The following EVI5 variants were observed in gnomAD, a reference collection of about 807,000 sequenced individuals.
EVI5 encodes the protein ecotropic viral integration site 5 protein homolog.
A neutral mutation model predicts 112.0 loss-of-function variants in EVI5; 73 were observed. The observed-to-expected ratio is 0.65, with a 90% CI of 0.54 to 0.79. EVI5 has a LOEUF of 0.79. EVI5 is among the 30% of genes least tolerant of loss of function. The pLI is 0.00. For missense variants in EVI5, 900 were observed against 968.8 expected (o/e 0.93, Z 0.94); for synonymous variants, 305 against 319.9 (o/e 0.95, Z 0.50).
intron 16 of EVI5, among the ~76,000 whole-genome samples, chr1:92,609,245 C>T (rs1368627661): frequency 2.6e-5 from 4 of 152,188 alleles, no homozygotes; most frequent in Non-Finnish European, 5.9e-5. Flanking sequence ...TTTAATCCTA[C>T]CAAATTTCAG....
intron 16 of EVI5, among the ~76,000 whole-genome samples, chr1:92,615,117 T>C (rs1174411015): frequency 6.6e-6 from 1 of 152,056 alleles, no homozygotes; most frequent in African/African-American, 2.4e-5. Flanking sequence ...ATGAACTGTT[T>C]GTAGAGAGTT....
At chr1:92,702,357 C>G in intron 4 of EVI5, 142 bp from the exon 5 acceptor site, 1 of 455,646 alleles carries the variant, frequency 2.2e-6, no homozygotes, top group Non-Finnish European at 4.0e-6. Context: ...AGATGTTATC[C>G]TATACATATT....
intron 1 of EVI5, among the ~76,000 whole-genome samples, chr1:92,770,607 A>G (rs61800547): frequency 0.97 from 147,416 of 151,704 alleles, 71,620 homozygotes; most frequent in Middle Eastern, 1. Context: ...TGGCTAACAC[A>G]GTGAAACCCT....
At chr1:92,744,600 TCACACACACACACA>T (rs961223051) in intron 1 of EVI5, among the ~76,000 whole-genome samples, 3 of 28,024 alleles carry the variant, frequency 1.1e-4, no homozygotes, top group African/African-American at 2.0e-4. Context: ...TCTCTCTCTC[TCACACACACACACA>T]CACACACACA....
intron 19 of EVI5, among the ~76,000 whole-genome samples, chr1:92,522,402 C>T (rs538691668): frequency 6.6e-6 from 1 of 152,132 alleles, no homozygotes; most frequent in South Asian, 2.1e-4. Flanking sequence ...CTTTGGGAGG[C>T]CAAGGCAGAA....
At chr1:92,778,616 A>C (rs1224233368) in intron 1 of EVI5, among the ~76,000 whole-genome samples, 1 of 152,176 alleles carries the variant, frequency 6.6e-6, no homozygotes, top group Non-Finnish European at 1.5e-5. Context: ...ACTGGGACAA[A>C]AGGAAAGATA....
At chr1:92,692,867 GA>G (rs1293659689) in intron 9 of EVI5, among the ~76,000 whole-genome samples, 1 of 152,138 alleles carries the variant, frequency 6.6e-6, no homozygotes, top group Non-Finnish European at 1.5e-5. Flanking sequence ...TTATACCATA[GA>G]AAGTACAGTA....
chr1:92,729,755 G>A (rs1676154563), intron 2 of EVI5, among the ~76,000 whole-genome samples: 1 of 152,054 alleles, frequency 6.6e-6, no homozygotes, highest in Admixed American at 6.6e-5. Flanking sequence ...TATTTTTATT[G>A]TTGTATGTTA....
intron 16 of EVI5, chr1:92,622,289 G>T: frequency 2.3e-6 from 1 of 443,416 alleles, no homozygotes. Context: ...CTTTGTACTT[G>T]GTTTTACGCA....
intron 3 of EVI5, 135 bp from the exon 4 acceptor site, chr1:92,703,754 A>G: frequency 1.6e-6 from 1 of 612,866 alleles, no homozygotes; most frequent in Non-Finnish European, 2.8e-6. Flanking sequence ...GCTTTATAAT[A>G]AGACTAGGGA....
rs1353642873 is a variant in EVI5 at position 92,671,314 on chromosome 1, C to A, written c.1159-5322G>T. Among the ~76,000 whole-genome samples the A allele has an allele frequency of 2.0e-5, 3 of 152,120 alleles. 1 individual carries two copies. Among genetic ancestry groups the A allele is most frequent in the Admixed American group, 6.5e-5 (1 of 15,272 alleles). On this transcript the variant is annotated intron_variant, in intron 10 of 19. Transcript: ENST00000684568. ...TTCTCTCTTTCTCACTGTCTCTTGG[C>A]TTCTGGGAACTACACCTACCTGGTT...
chr1:92,716,770 A>T (rs188718961), intron 2 of EVI5, among the ~76,000 whole-genome samples: 199 of 151,748 alleles, frequency 1.3e-3, no homozygotes, highest in Admixed American at 2.4e-3. Context: ...TGTAGAGAAG[A>T]CCTTAAATGA....
chr1:92,733,037 ACCT>A (rs887461642), intron 2 of EVI5: 3 of 166,266 alleles, frequency 1.8e-5, no homozygotes, highest in Admixed American at 5.8e-5. Flanking sequence ...ATACAGTGAG[ACCT>A]CGTCTCCATT....
chr1:92,667,360 A>C (rs913374966), intron 10 of EVI5, among the ~76,000 whole-genome samples: 3 of 152,202 alleles, frequency 2.0e-5, no homozygotes, highest in Admixed American at 2.0e-4. Flanking sequence ...ACAAGTTGCA[A>C]AATTCTGAAA....
intron 9 of EVI5, among the ~76,000 whole-genome samples, chr1:92,679,544 A>C (rs1277007059): frequency 6.6e-6 from 1 of 152,198 alleles, no homozygotes; most frequent in Non-Finnish European, 1.5e-5. Flanking sequence ...TTTAAAAAAA[A>C]ATATTTGGTT....
intron 1 of EVI5, among the ~76,000 whole-genome samples, chr1:92,760,453 G>A (rs1168229802): frequency 2.0e-5 from 3 of 152,216 alleles, no homozygotes; most frequent in East Asian, 3.9e-4. Context: ...TAAAAGAAGC[G>A]GGGCACAGTG....
chr1:92,635,572 T>G (rs1335021231), intron 14 of EVI5, among the ~76,000 whole-genome samples: 1 of 152,082 alleles, frequency 6.6e-6, no homozygotes, highest in South Asian at 2.1e-4. Flanking sequence ...CCAGGTGCCG[T>G]CCATCACCCC....
chr1:92,769,021 CA>C (rs1683032998), intron 1 of EVI5, among the ~76,000 whole-genome samples: 1 of 152,188 alleles, frequency 6.6e-6, no homozygotes, highest in African/African-American at 2.4e-5. Context: ...CCCACTTTTT[CA>C]TTGCAAATTC....
In EVI5 at chr1:92,606,924, C is replaced by CACACACACACACA. The variant is rs1557886813; in HGVS notation, c.1974+656_1974+657insTGTGTGTGTGTGT. On this transcript the variant is annotated intron_variant, in intron 17 of 19. Coordinates refer to ENST00000684568, the MANE Select transcript of EVI5 (RefSeq NM_001350197.2). The stretch of plus-strand genomic sequence containing the variant: ...CACACACACACACACACACACACAC[C>CACACACACACACA]CCCCCAAACCCTCCCTCCTCTCCTT... 2.0e-4 allele frequency among the ~76,000 whole-genome samples: 18 copies of CACACACACACACA among 91,496 alleles called. 1 individual carries two copies. Among genetic ancestry groups the CACACACACACACA allele is most frequent in the African/African-American group, 5.7e-4 (16 of 28,050 alleles). 60.0% of individuals were successfully genotyped at this position (91,496 alleles called of 152,430 possible). A position where few individuals can be genotyped will look rare whatever the true frequency, so the allele number is the denominator to read the frequency against.
Sources: gnomAD v4.1 joint callset for allele counts (sites outside exome capture counted in the v4.1 genomes callset) on GRCh38, gnomAD v4.1.1 for gene constraint, MANE v1.5 for transcripts, NCBI Gene and HGNC (gene_info 2026-07-23, HGNC 2026-07-21) for gene names.